Variants in PRKD1 observed in about 807,000 individuals in gnomAD.
PRKD1 encodes serine/threonine-protein kinase D1.
In PRKD1, 63 loss-of-function variants were observed where a neutral mutation model predicts 95.9. The ratio of observed to expected loss-of-function variants is 0.66; its 90% CI spans 0.54 to 0.81. PRKD1 has a LOEUF of 0.81. Ranked by LOEUF, PRKD1 falls within the 30% of genes least tolerant of loss-of-function variation. PRKD1 has a pLI of 0.00. For missense variants in PRKD1, 1,048 were observed against 1,165.3 expected, an observed-to-expected ratio of 0.90 and a Z score of 1.47; for synonymous variants, 425 against 423.1, an observed-to-expected ratio of 1.00 and a Z score of -0.05.
chr14:29,777,352 C>T (rs780736914), intron 1 of PRKD1, among the ~76,000 whole-genome samples: 2 of 152,044 alleles, frequency 1.3e-5, no homozygotes, highest in Non-Finnish European at 2.9e-5. Flanking sequence ...GACTGGCAAA[C>T]TGGATAAAGA....
At chr14:29,608,126 A>G (rs1217532577) in intron 13 of PRKD1, among the ~76,000 whole-genome samples, 1 of 152,148 alleles carries the variant, frequency 6.6e-6, no homozygotes, top group African/African-American at 2.4e-5. Context: ...GGATGCATCC[A>G]TTTTGCCAAT....
At chr14:29,834,469 C>G (rs1891534179) in intron 1 of PRKD1, among the ~76,000 whole-genome samples, 1 of 152,096 alleles carries the variant, frequency 6.6e-6, no homozygotes, top group East Asian at 1.9e-4. Context: ...AACCCAAGTC[C>G]TCATATATAA....
chr14:29,647,234 G>A (rs1466242369), intron 4 of PRKD1, among the ~76,000 whole-genome samples: 1 of 152,138 alleles, frequency 6.6e-6, no homozygotes, highest in South Asian at 2.1e-4. Flanking sequence ...ATCTGGATTT[G>A]CTGAGTGCTA....
chr14:29,806,067 A>C (rs1890219710), intron 1 of PRKD1, among the ~76,000 whole-genome samples: 1 of 152,236 alleles, frequency 6.6e-6, no homozygotes, highest in Non-Finnish European at 1.5e-5. Flanking sequence ...TCTGCTTAGC[A>C]AATAAATGCC....
At chr14:29,578,246 A>G (rs1716888002) in intron 17 of PRKD1, 29 bp downstream of exon 17, 1 of 1,490,954 alleles carries the variant, frequency 6.7e-7, no homozygotes, top group Middle Eastern at 1.7e-4. Flanking sequence ...AGCTCATTCA[A>G]CTAAGAAAAC....
intron 1 of PRKD1, among the ~76,000 whole-genome samples, chr14:29,913,810 A>T (rs976496073): frequency 2.6e-5 from 4 of 152,216 alleles, no homozygotes; most frequent in African/African-American, 9.6e-5. Flanking sequence ...ACTAGCTAAG[A>T]TGAGTTATCT....
At chr14:29,700,365 G>A (rs1357025920) in intron 2 of PRKD1, among the ~76,000 whole-genome samples, 5 of 151,982 alleles carry the variant, frequency 3.3e-5, no homozygotes, top group Admixed American at 3.3e-4. Flanking sequence ...TATCACATTT[G>A]GTTATTATGT....
intron 4 of PRKD1, 78 bp from the exon 5 acceptor site, chr14:29,638,982 G>A (rs1370917808): frequency 2.3e-5 from 25 of 1,090,844 alleles, no homozygotes; most frequent in East Asian, 1.0e-4. Flanking sequence ...TTAAGATACC[G>A]GTTTACTCTT....
At chr14:29,692,636 T>C (rs939191612) in intron 2 of PRKD1, among the ~76,000 whole-genome samples, 1 of 152,038 alleles carries the variant, frequency 6.6e-6, no homozygotes, top group African/African-American at 2.4e-5. Context: ...TGAATGTGTA[T>C]TACAGGAAAC....
At chr14:29,835,201 T>C (rs1450416208) in intron 1 of PRKD1, among the ~76,000 whole-genome samples, 1 of 152,198 alleles carries the variant, frequency 6.6e-6, no homozygotes, top group Admixed American at 6.5e-5. Context: ...GTGGGGCATT[T>C]AAAGAAAACA....
At chr14:29,693,293 G>A (rs975605798) in intron 2 of PRKD1, among the ~76,000 whole-genome samples, 1 of 151,986 alleles carries the variant, frequency 6.6e-6, no homozygotes, top group Non-Finnish European at 1.5e-5. Context: ...AGGCTATCAG[G>A]TCTCAATTTT....
At chr14:29,750,616 G>GCGCGCGCACA (rs72239992) in intron 1 of PRKD1, among the ~76,000 whole-genome samples, 46 of 148,482 alleles carry the variant, frequency 3.1e-4, no homozygotes, top group African/African-American at 9.7e-4. Flanking sequence ...ATGAACGCGC[G>GCGCGCGCACA]CACACACACA....
intron 1 of PRKD1, among the ~76,000 whole-genome samples, chr14:29,765,405 T>A (rs954896906): frequency 6.6e-6 from 1 of 152,144 alleles, no homozygotes; most frequent in Non-Finnish European, 1.5e-5. Flanking sequence ...TGTTGAGAAC[T>A]GAAAAACAGT....
chr14:29,784,667 T>C (rs1283032675), intron 1 of PRKD1, among the ~76,000 whole-genome samples: 1 of 152,116 alleles, frequency 6.6e-6, no homozygotes, highest in South Asian at 2.1e-4. Flanking sequence ...ATCCTAAGCT[T>C]AAGGATACAA....
chr14:29,834,484 A>T (rs193148716), intron 1 of PRKD1, among the ~76,000 whole-genome samples: 84 of 152,246 alleles, frequency 5.5e-4, no homozygotes, highest in Admixed American at 2.2e-3. Context: ...ATATAACTAA[A>T]TTCTGGGTTT....
intron 2 of PRKD1, among the ~76,000 whole-genome samples, chr14:29,669,222 G>T (rs1208975021): frequency 1.3e-5 from 2 of 152,132 alleles, no homozygotes; most frequent in Admixed American, 1.3e-4. Flanking sequence ...CTTTTAGTAT[G>T]CTTTTTGCAT....
At chr14:29,847,671 A>G (rs566009600) in intron 1 of PRKD1, among the ~76,000 whole-genome samples, 3 of 152,302 alleles carry the variant, frequency 2.0e-5, no homozygotes, top group African/African-American at 7.2e-5. Flanking sequence ...AGCAACTACA[A>G]TCCTCTGAAA....
chr14:29,901,804 T>C (rs1326899779), intron 1 of PRKD1, among the ~76,000 whole-genome samples: 1 of 152,142 alleles, frequency 6.6e-6, no homozygotes, highest in Non-Finnish European at 1.5e-5. Flanking sequence ...TTTTGATCCT[T>C]ACAACAAACT....
chr14:29,701,406 G>C (rs1382179452), intron 2 of PRKD1, among the ~76,000 whole-genome samples: 1 of 152,142 alleles, frequency 6.6e-6, no homozygotes, highest in African/African-American at 2.4e-5. Flanking sequence ...ACACTGCCTA[G>C]ATCAATGATT....
Sources: allele counts gnomAD v4.1 joint callset (sites outside exome capture counted in the v4.1 genomes callset), GRCh38; gene constraint gnomAD v4.1.1; transcripts MANE v1.5; gene names NCBI Gene and HGNC (gene_info 2026-07-23, HGNC 2026-07-21).